LAMTOR4: variants seen among roughly 807,000 people sequenced by gnomAD.
LAMTOR4 encodes the protein ragulator complex protein LAMTOR4.
Under a neutral mutation model 13.5 loss-of-function variants are expected in LAMTOR4, and 11 were observed. That is an observed-to-expected ratio of 0.82 (90% CI 0.51 to 1.35). LAMTOR4 has a LOEUF of 1.35. Among genes scored for constraint, LAMTOR4 ranks in the 40% most tolerant of loss-of-function variants. LAMTOR4 has a pLI of 0.00. For missense variants in LAMTOR4, 128 were observed against 126.2 expected, an observed-to-expected ratio of 1.01 and a Z score of -0.07; for synonymous variants, 69 against 52.3, an observed-to-expected ratio of 1.32 and a Z score of -1.38.
At chr7:100,149,052 T>A (rs1798614789) in intron 1 of LAMTOR4, 77 bp downstream of exon 1, 1 of 1,546,850 alleles carries the variant, frequency 6.5e-7, no homozygotes, top group Admixed American at 1.8e-5. Context: ...GGTTTCCCCC[T>A]GGTGGGCCTG....
At chr7:100,151,331 C>T (rs1390980526) in intron 2 of LAMTOR4, among the ~76,000 whole-genome samples, 1 of 151,800 alleles carries the variant, frequency 6.6e-6, no homozygotes, top group Non-Finnish European at 1.5e-5. Context: ...CCTCAGCCTC[C>T]CACCCAAAGT....
chr7:100,153,842 G>A (rs376500372), intron 3 of LAMTOR4, 25 bp from the exon 4 acceptor site: 25 of 1,500,722 alleles, frequency 1.7e-5, no homozygotes, highest in South Asian at 2.4e-5. Flanking sequence ...CTCCTGGGGC[G>A]GGGGAAGGTG....
intron 2 of LAMTOR4, among the ~76,000 whole-genome samples, chr7:100,151,892 A>G (rs1034959610): frequency 1.3e-5 from 2 of 149,414 alleles, no homozygotes; most frequent in Non-Finnish European, 3.0e-5. Context: ...GTGTGGAGAC[A>G]GGGGCCTTGC....
Position 100,154,029 on chromosome 7 carries a change from C to T in LAMTOR4, c.*65C>T, listed in dbSNP as rs1798809595. 2 of 1,249,042 alleles carry T rather than the reference C, an allele frequency of 1.6e-6. No individual in the cohort carries two copies. The highest frequency in any genetic ancestry group is 2.3e-6 in the Non-Finnish European group (2 of 871,824). 77.4% of individuals were successfully genotyped at this position (1,249,042 alleles called of 1,614,324 possible). On this transcript the variant is annotated 3_prime_UTR_variant, in exon 4 of 4. Transcript: ENST00000341942. ...CTGGGCCTCTGTGATGAGGCAGGCA[C>T]ACCTGTCGGTCTTGGCTTGCTGCTA... is the stretch of plus-strand genomic sequence containing the variant.
intron 3 of LAMTOR4, 57 bp downstream of exon 3, chr7:100,153,574 G>A: frequency 4.9e-6 from 7 of 1,440,008 alleles, no homozygotes; most frequent in Non-Finnish European, 6.8e-6. Context: ...CTACTTCCAG[G>A]GGCTTCTCGG....
intron 2 of LAMTOR4, among the ~76,000 whole-genome samples, chr7:100,151,058 AGTTTT>A (rs1302209941): frequency 6.6e-6 from 1 of 150,828 alleles, no homozygotes; most frequent in Non-Finnish European, 1.5e-5. Context: ...AGGAGAGAAG[AGTTTT>A]GTTTTTGTTT....
At position 100,153,130 on chromosome 7, in the gene LAMTOR4, C is replaced by T. The variant is rs941875995; in HGVS notation, c.85-270C>T. Among the ~76,000 whole-genome samples, 5 of 147,364 alleles carry T rather than the reference C, an allele frequency of 3.4e-5. No individual in the cohort carries two copies. In the Admixed American group the frequency reaches 3.4e-4, roughly 10 times the overall value. ...CTGCACTACAGCCTGGGTGACAGAA[C>T]GAGATTCCGTCTCAAAAAAGAAAAA... On this transcript the variant is annotated intron_variant, in intron 2 of 3. Coordinates refer to ENST00000341942, the MANE Select transcript of LAMTOR4 (RefSeq NM_001008395.4).
At chr7:100,150,913 T>G (rs1323786165) in intron 2 of LAMTOR4, among the ~76,000 whole-genome samples, 1 of 150,012 alleles carries the variant, frequency 6.7e-6, no homozygotes, top group Non-Finnish European at 1.5e-5. Flanking sequence ...GGCGTGAACC[T>G]GGAAGGTGGA....
rs1260978638 is a variant in LAMTOR4, at chr7:100,149,470, T to C, written c.4-29T>C. Reference sequence around the variant, plus strand: ...CGGGCCGTCCATCCCTCTAGCATGCTTCTCACGACTTGCATCTTTACCCAC... The same window carrying C: ...CGGGCCGTCCATCCCTCTAGCATGCCTCTCACGACTTGCATCTTTACCCAC... On this transcript the variant is annotated intron_variant, in intron 1 of 3. Coordinates refer to ENST00000341942, the MANE Select transcript of LAMTOR4 (RefSeq NM_001008395.4). 3 of 1,509,750 alleles carry C rather than the reference T, an allele frequency of 2.0e-6. No individual in the cohort carries two copies. The African/African-American group carries it at 4.1e-5, about 21-fold the overall frequency. The allele number at this position is 1,509,750 out of a possible 1,614,324, so 93.5% of individuals were successfully genotyped here.
In LAMTOR4 at chr7:100,148,969, T is replaced by C. The variant is rs752646632; in HGVS notation, c.-4T>C. ...AGGGAGCTCCCCCAGCACCGAAGAC[T>C]GCGATGGTGAGTGAGGACGCATGCG... On this transcript the variant is annotated 5_prime_UTR_variant, in exon 1 of 4. Coordinates refer to ENST00000341942, the MANE Select transcript of LAMTOR4 (RefSeq NM_001008395.4). 6.2e-7 allele frequency: 1 copy of C among 1,611,986 alleles called. No homozygotes were observed. Among genetic ancestry groups the C allele is most frequent in the African/African-American group, 1.3e-5 (1 of 75,018 alleles).
At chr7:100,149,397 C>T (rs2116939257) in intron 1 of LAMTOR4, 102 bp from the exon 2 acceptor site, 1 of 813,092 alleles carries the variant, frequency 1.2e-6, no homozygotes, top group African/African-American at 1.7e-5. Context: ...ATGAGAAAAC[C>T]TGGGGCCATC....
intron 2 of LAMTOR4, among the ~76,000 whole-genome samples, chr7:100,150,586 G>A (rs1268906831): frequency 6.6e-6 from 1 of 152,222 alleles, no homozygotes; most frequent in Non-Finnish European, 1.5e-5. Context: ...ATTCTTGAAG[G>A]TAATACAGTT....
chr7:100,149,077 C>T, intron 1 of LAMTOR4, 102 bp downstream of exon 1: 1 of 1,400,110 alleles, frequency 7.1e-7, no homozygotes, highest in East Asian at 2.3e-5. Context: ...CCACCCTCAC[C>T]TCCTATCCGC....
chr7:100,154,036 C>A lies in LAMTOR4; in HGVS notation c.*72C>A, dbSNP rs185978679. ...TCTGTGATGAGGCAGGCACACCTGT[C>A]GGTCTTGGCTTGCTGCTAGAACTAG... On this transcript the variant is annotated 3_prime_UTR_variant, in exon 4 of 4. Coordinates refer to ENST00000341942, the MANE Select transcript of LAMTOR4 (RefSeq NM_001008395.4). 7.6e-6 allele frequency: 9 copies of A among 1,191,728 alleles called. No individual in the cohort carries two copies. Among genetic ancestry groups the A allele is most frequent in the South Asian group, 1.3e-5 (1 of 76,378 alleles). The allele number at this position is 1,191,728 out of a possible 1,614,324, so 73.8% of individuals were successfully genotyped here. A position where few individuals can be genotyped will look rare whatever the true frequency, so the allele number is the denominator to read the frequency against.
At chr7:100,150,984 G>A (rs1798680422) in intron 2 of LAMTOR4, among the ~76,000 whole-genome samples, 1 of 149,748 alleles carries the variant, frequency 6.7e-6, no homozygotes. Flanking sequence ...GCAAGACTCC[G>A]TCTCAAAAAA....
At position 100,153,458 on chromosome 7, in the gene LAMTOR4, G is replaced by C. The variant is rs368667055; in HGVS notation, c.143G>C (p.Ser48Thr). The change falls in exon 3 of 4, where the codon AGC becomes ACC. Residue 48 changes from serine (S) to threonine (T), a missense_variant. Coordinates refer to ENST00000341942, the MANE Select transcript of LAMTOR4 (RefSeq NM_001008395.4). Reference sequence around the variant, plus strand: ...GCCAGTGCCATCTCTGAGCTGGTCAGCACAGCCTGCGGTTTCCGGCTGCAC... The same window carrying C: ...GCCAGTGCCATCTCTGAGCTGGTCACCACAGCCTGCGGTTTCCGGCTGCAC... ...QAASAISELV[S>T]TACGFRLHRG... 2 of 1,610,562 alleles carry C rather than the reference G, an allele frequency of 1.2e-6. No individual in the cohort carries two copies. Among genetic ancestry groups the C allele is most frequent in the African/African-American group, 2.7e-5 (2 of 74,918 alleles).
Position 100,149,525 on chromosome 7 carries a change from G to A in LAMTOR4, c.30G>A (p.Glu10=). The A allele has an allele frequency of 7.4e-6, 12 of 1,613,946 alleles. No individual in the cohort carries two copies. The highest frequency in any genetic ancestry group is 1.0e-5 in the Non-Finnish European group (12 of 1,179,880). ...CTTCTGCGCTGACCCAGGGGCTGGA[G>A]CGAATCCCAGACCAGCTCGGCTACC... MTSALTQGL[E]RIPDQLGYLV... The change falls in exon 2 of 4, where the codon GAG becomes GAA. Residue 10 remains glutamate, a synonymous_variant. Coordinates refer to ENST00000341942, the MANE Select transcript of LAMTOR4 (RefSeq NM_001008395.4).
chr7:100,151,888 A>G (rs1346276968), intron 2 of LAMTOR4, among the ~76,000 whole-genome samples: 4 of 148,684 alleles, frequency 2.7e-5, no homozygotes, highest in East Asian at 2.0e-4. Flanking sequence ...AAATGTGTGG[A>G]GACAGGGGCC....
In LAMTOR4 at chr7:100,154,099, G is replaced by GGGCCCA; in HGVS notation, c.*139_*144dup. 2 of 694,364 alleles carry GGGCCCA rather than the reference G, an allele frequency of 2.9e-6. No homozygotes were observed. Among genetic ancestry groups the GGGCCCA allele is most frequent in the Admixed American group, 4.3e-5 (2 of 46,298 alleles). The allele number at this position is 694,364 out of a possible 1,614,324, so 43.0% of individuals were successfully genotyped here. On this transcript the variant is annotated 3_prime_UTR_variant, in exon 4 of 4. Transcript: ENST00000341942. ...GCCCACCTCCCACCCCTACCTGGAC[G>GGGCCCA]GGCCCAGGCTTGGGGACTCTGAGCT...
Sources: allele counts gnomAD v4.1 joint callset (sites outside exome capture counted in the v4.1 genomes callset), GRCh38; gene constraint gnomAD v4.1.1; transcripts MANE v1.5; gene names NCBI Gene and HGNC (gene_info 2026-07-23, HGNC 2026-07-21).